The following AP1S3 variants were observed in gnomAD, a reference collection of about 807,000 sequenced individuals.
AP1S3 encodes adaptor related protein complex 1 subunit sigma 3, also known as AP-1 complex subunit sigma-3.
A neutral mutation model predicts 20.9 loss-of-function variants in AP1S3; 10 were observed. The ratio of observed to expected loss-of-function variants is 0.48; its 90% CI spans 0.29 to 0.81. AP1S3 has a LOEUF of 0.81. AP1S3 is among the 30% of genes least tolerant of loss of function. AP1S3 has a pLI of 0.08. For missense variants in AP1S3, 154 were observed against 183.8 expected (o/e 0.84, Z 0.94); for synonymous variants, 41 against 61.5 (o/e 0.67, Z 1.56).
At chr2:223,802,328 A>G (rs1355247057) in intron 1 of AP1S3, among the ~76,000 whole-genome samples, 3 of 149,210 alleles carry the variant, frequency 2.0e-5, no homozygotes, top group Admixed American at 2.0e-4. Context: ...TTGGAGACAG[A>G]GTCTCACTGT....
intron 1 of AP1S3, among the ~76,000 whole-genome samples, chr2:223,787,949 A>G (rs1218725846): frequency 2.0e-5 from 3 of 151,100 alleles, no homozygotes; most frequent in African/African-American, 7.3e-5. Context: ...AGAAGCTCCA[A>G]TGTAAATGCC....
chr2:223,773,335 C>T (rs1278566800), intron 3 of AP1S3: 3 of 1,303,968 alleles, frequency 2.3e-6, no homozygotes, highest in Non-Finnish European at 3.0e-6. Flanking sequence ...TCTTCAGGCT[C>T]TTGCAAAAGG....
At chr2:223,826,868 T>G (rs1257548561) in intron 1 of AP1S3, among the ~76,000 whole-genome samples, 3 of 152,090 alleles carry the variant, frequency 2.0e-5, no homozygotes, top group African/African-American at 7.2e-5. Context: ...ATGCTTACTA[T>G]GCTAAACTCA....
intron 3 of AP1S3, among the ~76,000 whole-genome samples, chr2:223,769,611 T>G (rs2396029): frequency 0.65 from 99,389 of 151,768 alleles, 33,431 homozygotes; most frequent in East Asian, 0.81. Flanking sequence ...TGTATATGTT[T>G]CAGCTATGTA....
At chr2:223,809,479 T>C (rs1187357312) in intron 1 of AP1S3, among the ~76,000 whole-genome samples, 1 of 151,826 alleles carries the variant, frequency 6.6e-6, no homozygotes, top group Non-Finnish European at 1.5e-5. Flanking sequence ...ACCCCGTCTC[T>C]ACTAAAAATA....
At chr2:223,821,932 GA>G (rs5839023) in intron 1 of AP1S3, among the ~76,000 whole-genome samples, 48,907 of 151,994 alleles carry the variant, frequency 0.32, 8,271 homozygotes, top group Middle Eastern at 0.43. Context: ...GTTCTCATTT[GA>G]CAACCAAAGA....
intron 1 of AP1S3, among the ~76,000 whole-genome samples, chr2:223,791,639 C>T (rs985176702): frequency 6.6e-6 from 1 of 152,188 alleles, no homozygotes; most frequent in African/African-American, 2.4e-5. Context: ...AGGATGCCCT[C>T]TTTCACTACT....
Position 223,758,464 on chromosome 2 carries a change from G to A in AP1S3, c.*251C>T. On this transcript the variant is annotated 3_prime_UTR_variant, in exon 5 of 5. Coordinates refer to ENST00000396654, the MANE Select transcript of AP1S3 (RefSeq NM_001039569.2). Reference sequence around the variant, plus strand: ...ACAAATATTGTCTGTTGGGTTAGGTGGTAGTTACTTTAAACATTTAGAGCT... The same window carrying A: ...ACAAATATTGTCTGTTGGGTTAGGTAGTAGTTACTTTAAACATTTAGAGCT... The A allele has an allele frequency of 8.5e-7, 1 of 1,180,648 alleles. No homozygotes were observed. The highest frequency in any genetic ancestry group is 1.0e-6 in the Non-Finnish European group (1 of 956,050). 73.1% of individuals were successfully genotyped at this position (1,180,648 alleles called of 1,614,324 possible).
chr2:223,827,242 T>C (rs562867045), intron 1 of AP1S3, among the ~76,000 whole-genome samples: 1 of 152,292 alleles, frequency 6.6e-6, no homozygotes, highest in South Asian at 2.1e-4. Flanking sequence ...ACATGACTTC[T>C]TAGTAATGAA....
intron 1 of AP1S3, among the ~76,000 whole-genome samples, chr2:223,798,071 A>T (rs1691385560): frequency 6.6e-6 from 1 of 152,244 alleles, no homozygotes; most frequent in African/African-American, 2.4e-5. Flanking sequence ...TCTCTCATTT[A>T]CATATATACA....
intron 1 of AP1S3, among the ~76,000 whole-genome samples, chr2:223,788,560 TG>T (rs1691129733): frequency 6.9e-6 from 1 of 144,184 alleles, no homozygotes. Flanking sequence ...GAGACCATCC[TG>T]GCTAACATGG....
At chr2:223,828,102 A>G (rs1692176119) in intron 1 of AP1S3, among the ~76,000 whole-genome samples, 1 of 148,002 alleles carries the variant, frequency 6.8e-6, no homozygotes. Flanking sequence ...AAGAAGAAGA[A>G]GAAAAGAAAA....
At chr2:223,828,875 C>T (rs141127788) in intron 1 of AP1S3, among the ~76,000 whole-genome samples, 2,592 of 152,292 alleles carry the variant, frequency 0.017, 64 homozygotes, top group African/African-American at 0.058. Context: ...CTGAGTCTCA[C>T]TCTGTCACCC....
intron 1 of AP1S3, among the ~76,000 whole-genome samples, chr2:223,788,998 C>T (rs1691142506): frequency 6.6e-6 from 1 of 152,102 alleles, no homozygotes; most frequent in South Asian, 2.1e-4. Context: ...ACAATGAAGC[C>T]TCCAGTCAAC....
At chr2:223,822,809 A>T (rs909696033) in intron 1 of AP1S3, among the ~76,000 whole-genome samples, 6 of 152,180 alleles carry the variant, frequency 3.9e-5, no homozygotes, top group African/African-American at 1.4e-4. Context: ...AACCTATGAA[A>T]TGGGAGAAAA....
chr2:223,780,106 A>G (rs1043491467), intron 1 of AP1S3, among the ~76,000 whole-genome samples: 11 of 149,432 alleles, frequency 7.4e-5, no homozygotes, highest in African/African-American at 2.7e-4. Context: ...TCCACTAACC[A>G]CCTCCCCCGG....
At chr2:223,803,227 A>G (rs1004459062) in intron 1 of AP1S3, among the ~76,000 whole-genome samples, 4 of 152,234 alleles carry the variant, frequency 2.6e-5, no homozygotes, top group African/African-American at 9.6e-5. Context: ...GCAGGTCATA[A>G]ATTTTCTTAT....
intron 3 of AP1S3, among the ~76,000 whole-genome samples, chr2:223,775,520 T>C (rs1475263599): frequency 1.3e-5 from 2 of 152,158 alleles, no homozygotes; most frequent in African/African-American, 2.4e-5. Context: ...ATTTGTGGTA[T>C]GAAGATAAAG....
intron 1 of AP1S3, among the ~76,000 whole-genome samples, chr2:223,809,059 C>G (rs184718115): frequency 6.6e-6 from 1 of 152,274 alleles, no homozygotes; most frequent in Non-Finnish European, 1.5e-5. Context: ...AACATTATAA[C>G]AATTTCTTCA....
Sources: gnomAD v4.1 joint callset for allele counts (sites outside exome capture counted in the v4.1 genomes callset) on GRCh38, gnomAD v4.1.1 for gene constraint, MANE v1.5 for transcripts, NCBI Gene and HGNC (gene_info 2026-07-23, HGNC 2026-07-21) for gene names.